Variants in MYO9A observed in about 807,000 individuals in gnomAD.
MYO9A encodes unconventional myosin-IXa.
A neutral mutation model predicts 293.3 loss-of-function variants in MYO9A; 103 were observed. The observed-to-expected ratio is 0.35, with a 90% CI of 0.30 to 0.41. MYO9A has a LOEUF of 0.41. Ranked by LOEUF, MYO9A falls within the 10% of genes least tolerant of loss-of-function variation. The pLI is 1.00. For missense variants in MYO9A, 2,685 were observed against 3,033.0 expected (o/e 0.89, Z 2.69); for synonymous variants, 1,001 against 1,035.7 (o/e 0.97, Z 0.64).
intron 3 of MYO9A, among the ~76,000 whole-genome samples, chr15:72,028,775 C>T (rs893674887): frequency 6.6e-6 from 1 of 152,076 alleles, no homozygotes; most frequent in African/African-American, 2.4e-5. Flanking sequence ...ACATAAGGCT[C>T]AAAGATATAC....
At chr15:72,008,082 G>A in intron 7 of MYO9A, 130 bp from the exon 8 acceptor site, 2 of 1,126,142 alleles carry the variant, frequency 1.8e-6, no homozygotes, top group East Asian at 2.6e-5. Context: ...AAGCAATATG[G>A]GAATAATTAC....
intron 1 of MYO9A, among the ~76,000 whole-genome samples, chr15:72,089,809 A>G (rs570731063): frequency 7.9e-5 from 12 of 152,272 alleles, no homozygotes; most frequent in Non-Finnish European, 1.5e-4. Context: ...ACACCAACTT[A>G]TCAACAGCAA....
At chr15:71,983,321 C>A (rs571249288) in intron 11 of MYO9A, among the ~76,000 whole-genome samples, 1 of 151,830 alleles carries the variant, frequency 6.6e-6, no homozygotes, top group East Asian at 1.9e-4. Context: ...CTTAACTTAT[C>A]ACTAACAGAA....
chr15:71,976,920 T>C (rs1444630634), intron 12 of MYO9A, among the ~76,000 whole-genome samples: 1 of 152,214 alleles, frequency 6.6e-6, no homozygotes, highest in East Asian at 1.9e-4. Context: ...TCTTGTCTAA[T>C]GAATATTAAA....
intron 14 of MYO9A, 100 bp from the exon 15 acceptor site, chr15:71,951,996 A>G (rs1456411844): frequency 7.9e-7 from 1 of 1,264,278 alleles, no homozygotes; most frequent in Non-Finnish European, 1.1e-6. Flanking sequence ...GCTGCCAACT[A>G]TTTAAGGGTG....
intron 18 of MYO9A, among the ~76,000 whole-genome samples, chr15:71,917,510 G>A (rs1016720767): frequency 3.3e-5 from 5 of 152,084 alleles, no homozygotes; most frequent in Non-Finnish European, 4.4e-5. Flanking sequence ...ACACCAGCCC[G>A]GGCAACAGTG....
chr15:72,050,913 C>T (rs911667894), intron 1 of MYO9A, among the ~76,000 whole-genome samples: 1 of 152,178 alleles, frequency 6.6e-6, no homozygotes, highest in Non-Finnish European at 1.5e-5. Context: ...TATGGCATGA[C>T]TAAAGCAGCC....
At chr15:71,838,463 C>T (rs923639646) in intron 39 of MYO9A, among the ~76,000 whole-genome samples, 12 of 151,968 alleles carry the variant, frequency 7.9e-5, no homozygotes, top group African/African-American at 2.7e-4. Flanking sequence ...TAATTTGTAC[C>T]CAACTCTTAA....
chr15:72,087,902 A>G (rs1213770180), intron 1 of MYO9A, among the ~76,000 whole-genome samples: 1 of 152,202 alleles, frequency 6.6e-6, no homozygotes, highest in Non-Finnish European at 1.5e-5. Context: ...TAAAGCCCCA[A>G]TCTGCAATGT....
chr15:72,109,264 C>T (rs2080689597), intron 1 of MYO9A, among the ~76,000 whole-genome samples: 1 of 151,786 alleles, frequency 6.6e-6, no homozygotes, highest in Non-Finnish European at 1.5e-5. Flanking sequence ...GTGGCGGGTG[C>T]CTGTAGTCCC....
intron 1 of MYO9A, among the ~76,000 whole-genome samples, chr15:72,077,748 AAAAAATATATATATATAT>A (rs1335383450): frequency 3.0e-5 from 1 of 32,824 alleles, no homozygotes; most frequent in African/African-American, 1.0e-4. Context: ...AAAAAAAAAA[AAAAAATATATATATATAT>A]ATATATATAT....
chr15:72,063,159 C>T (rs1596490871), intron 1 of MYO9A, among the ~76,000 whole-genome samples: 1 of 152,192 alleles, frequency 6.6e-6, no homozygotes, highest in Non-Finnish European at 1.5e-5. Flanking sequence ...AAGACATTCT[C>T]TTCAATAAAT....
chr15:72,103,647 C>CAAA (rs66828498), intron 1 of MYO9A, among the ~76,000 whole-genome samples: 1 of 149,866 alleles, frequency 6.7e-6, no homozygotes, highest in African/African-American at 2.5e-5. Flanking sequence ...ACAGAAGAAG[C>CAAA]AGAAGTAACA....
intron 1 of MYO9A, among the ~76,000 whole-genome samples, chr15:72,058,467 GA>G (rs2078783829): frequency 1.3e-5 from 2 of 151,918 alleles, no homozygotes; most frequent in African/African-American, 2.4e-5. Context: ...AAAAAACTAT[GA>G]AAATATACGA....
At chr15:71,902,049 A>G (rs1207746293) in intron 22 of MYO9A, among the ~76,000 whole-genome samples, 1 of 152,140 alleles carries the variant, frequency 6.6e-6, no homozygotes, top group African/African-American at 2.4e-5. Context: ...CTTTAGAAAC[A>G]GGAATTATAC....
At chr15:71,839,597 A>G (rs4777465) in intron 39 of MYO9A, among the ~76,000 whole-genome samples, 3,702 of 152,064 alleles carry the variant, frequency 0.024, 93 homozygotes, top group Non-Finnish European at 0.035. Flanking sequence ...TTTTGTAGAG[A>G]TGATATCTCG....
chr15:72,082,732 A>G lies in MYO9A; in HGVS notation c.-72+34948T>C, dbSNP rs28824293. ...ATACCTCGTTTATTGAGAGTTTTTA[A>G]CACGAAAGGCTGTTGAATTTTATCA... On this transcript the variant is annotated intron_variant, in intron 1 of 41. Coordinates refer to ENST00000356056, the MANE Select transcript of MYO9A (RefSeq NM_006901.4). Among the ~76,000 whole-genome samples the G allele has an allele frequency of 5.6e-3, 853 of 151,874 alleles. 12 individuals are homozygous for G. The highest frequency in any genetic ancestry group is 0.02 in the African/African-American group (807 of 41,384).
At chr15:71,849,949 C>G in intron 38 of MYO9A, 87 bp downstream of exon 38, 1 of 1,502,104 alleles carries the variant, frequency 6.7e-7, no homozygotes, top group South Asian at 1.2e-5. Flanking sequence ...ATTTATGAAC[C>G]CATTCACTAT....
At chr15:71,904,885 G>A (rs755791503) in intron 20 of MYO9A, 41 bp downstream of exon 20, 1 of 1,434,098 alleles carries the variant, frequency 7.0e-7, no homozygotes, top group East Asian at 2.3e-5. Context: ...TCAGTTTGAA[G>A]TAAGCTGAGA....
Sources: gnomAD v4.1 joint callset for allele counts (sites outside exome capture counted in the v4.1 genomes callset) on GRCh38, gnomAD v4.1.1 for gene constraint, MANE v1.5 for transcripts, NCBI Gene and HGNC (gene_info 2026-07-23, HGNC 2026-07-21) for gene names.